The following SP2 variants were observed in gnomAD, a reference collection of about 807,000 sequenced individuals.
The protein encoded by SP2 is Sp2 transcription factor.
In SP2, 9 loss-of-function variants were observed where a neutral mutation model predicts 50.1. The observed-to-expected ratio is 0.18, with a 90% CI of 0.11 to 0.31. The LOEUF (loss-of-function observed/expected upper bound fraction) is 0.31, where lower values mean the gene tolerates loss of function less well. Ranked by LOEUF, SP2 falls within the 10% of genes least tolerant of loss-of-function variation. The probability of loss-of-function intolerance (pLI) is 1.00; values close to 1 mark genes in which losing one functional copy is unlikely to be tolerated. For synonymous variants in SP2, 313 were observed against 326.6 expected (o/e 0.96, Z 0.45); for missense variants, 581 against 806.5 (o/e 0.72, Z 3.39).
At position 47,921,784 on chromosome 17, in the gene SP2, T is replaced by C. The variant is rs544757035; in HGVS notation, c.1060-1178T>C. On this transcript the variant is annotated intron_variant, in intron 3 of 6. Transcript: ENST00000376741. ...TCCAAGGAGCCTGGGTTCCTTTTAG[T>C]GGAGCATGTGAGTTACAAGCTAAGG... 1.2e-4 allele frequency among the ~76,000 whole-genome samples: 18 copies of C among 152,332 alleles called. No individual in the cohort carries two copies. In the East Asian group the frequency reaches 3.3e-3, roughly 28 times the overall value.
At chr17:47,907,274 G>A (rs926971362) in intron 1 of SP2, among the ~76,000 whole-genome samples, 7 of 152,212 alleles carry the variant, frequency 4.6e-5, no homozygotes, top group Middle Eastern at 3.4e-3. Flanking sequence ...AGGTAGAGGC[G>A]GATGATCAGT....
chr17:47,898,187 C>T (rs2034412718), intron 1 of SP2: 1 of 152,218 alleles, frequency 6.6e-6, no homozygotes, highest in Non-Finnish European at 1.5e-5. Flanking sequence ...AGACTGGCCA[C>T]TTTTTTCTCT....
At position 47,915,366 on chromosome 17, in the gene SP2, A is replaced by T; in HGVS notation, c.62A>T (p.Gln21Leu). 6.2e-7 allele frequency: 1 copy of T among 1,613,470 alleles called. No individual in the cohort carries two copies. The highest frequency in any genetic ancestry group is 1.3e-5 in the African/African-American group (1 of 74,988). ...TAAVSPSDYLQPAASTTQDSQ... is the reference protein window; with the variant it reads ...TAAVSPSDYLLPAASTTQDSQ... ...GCTGTGAGTCCCAGTGACTACCTGC[A>T]GCCTGCCGCCTCCACCACCCAGGCG... The change falls in exon 2 of 7, where the codon CAG (glutamine) becomes CTG (leucine). Residue 21 changes from glutamine (Q) to leucine (L), a missense_variant. Around this residue, in one of 2 missense-constraint regions of SP2, gnomAD observed 397 missense variants for 491.0 expected, o/e 0.81. Transcript: ENST00000376741.
chr17:47,896,283 C>T lies in SP2; in HGVS notation c.-4C>T, dbSNP rs1348607315. On this transcript the variant is annotated 5_prime_UTR_variant, in exon 1 of 7. Transcript: ENST00000376741. ...CGGCGGAGGCCAGGGAGGAAGATGT[C>T]GTAATGAGCGGTGGGTCCCGGCCGC... The T allele has an allele frequency of 7.3e-6, 9 of 1,239,808 alleles. No homozygotes were observed. Among genetic ancestry groups the T allele is most frequent in the Admixed American group, 4.2e-5 (1 of 23,738 alleles). 76.8% of individuals were successfully genotyped at this position (1,239,808 alleles called of 1,614,324 possible).
rs558947529 is a variant in SP2 at position 47,896,577 on chromosome 17, G to A, written c.7+284G>A. On this transcript the variant is annotated intron_variant, in intron 1 of 6. Coordinates refer to ENST00000376741, the MANE Select transcript of SP2 (RefSeq NM_003110.6). ...GCTTCCGGGGGCCGGCGAGAGGAGC[G>A]GGCACCGGGGTGGCCTGGCACCCCT... 1.2e-4 allele frequency among the ~76,000 whole-genome samples: 19 copies of A among 152,284 alleles called. 1 individual carries two copies. In the South Asian group the frequency reaches 3.5e-3, roughly 28 times the overall value.
intron 4 of SP2, 118 bp downstream of exon 4, chr17:47,923,392 T>C (rs1287229593): frequency 1.2e-5 from 10 of 827,574 alleles, no homozygotes; most frequent in Admixed American, 2.6e-5. Context: ...CCATCATAGC[T>C]TAAGGGTACG....
Position 47,923,335 on chromosome 17 carries a change from C to T in SP2, c.1372+61C>T, listed in dbSNP as rs189486159. 3.6e-3 allele frequency: 5,059 copies of T among 1,407,394 alleles called. 8 individuals carry two copies. Among genetic ancestry groups the T allele is most frequent in the Non-Finnish European group, 4.2e-3 (4,353 of 1,034,674 alleles). 87.2% of individuals were successfully genotyped at this position (1,407,394 alleles called of 1,614,324 possible). A position where few individuals can be genotyped will look rare whatever the true frequency, so the allele number is the denominator to read the frequency against. On this transcript the variant is annotated intron_variant, in intron 4 of 6. Transcript: ENST00000376741. ...GGTACCTGCTCCTAGCAGGTGGAAACTATGGGCTGGCCCCGGGATTTCCAG... is the reference window on the plus strand; with the variant it reads ...GGTACCTGCTCCTAGCAGGTGGAAATTATGGGCTGGCCCCGGGATTTCCAG...
At position 47,925,334 on chromosome 17, in the gene SP2, A is replaced by C. The variant is rs766886997; in HGVS notation, c.1548-14A>C. On this transcript the variant is annotated splice_polypyrimidine_tract_variant and intron_variant, in intron 5 of 6. Coordinates refer to ENST00000376741, the MANE Select transcript of SP2 (RefSeq NM_003110.6). ...TTCCTATTCCCTCCACTCCACCCTC[A>C]CCCCAATTCTCAGGTCTGGAGAGCA... is the stretch of plus-strand genomic sequence containing the variant. 23 of 1,606,136 alleles carry C rather than the reference A, an allele frequency of 1.4e-5. No homozygotes were observed. In the African/African-American group the frequency reaches 2.4e-4, roughly 17 times the overall value.
intron 3 of SP2, among the ~76,000 whole-genome samples, chr17:47,922,336 C>A (rs2035491389): frequency 6.6e-6 from 1 of 152,110 alleles, no homozygotes; most frequent in South Asian, 2.1e-4. Context: ...ATACATATCC[C>A]CAAATTTCCT....
At chr17:47,896,463 A>C in intron 1 of SP2, 170 bp downstream of exon 1, 2 of 523,174 alleles carry the variant, frequency 3.8e-6, no homozygotes, top group Non-Finnish European at 5.8e-6. Context: ...CGCCCGGAGG[A>C]GGAGCGGGGC....
intron 1 of SP2, among the ~76,000 whole-genome samples, chr17:47,897,175 C>T (rs1380778901): frequency 1.3e-5 from 2 of 152,246 alleles, no homozygotes; most frequent in Admixed American, 6.5e-5. Context: ...ATCCCCATTG[C>T]TGACTTACGG....
intron 1 of SP2, among the ~76,000 whole-genome samples, chr17:47,912,327 T>C (rs1194189917): frequency 2.6e-5 from 4 of 152,126 alleles, no homozygotes; most frequent in Admixed American, 1.3e-4. Flanking sequence ...GTCTGCAAAG[T>C]CTCCCCTCCT....
intron 6 of SP2, among the ~76,000 whole-genome samples, chr17:47,927,378 C>T (rs1404484290): frequency 2.6e-5 from 4 of 151,800 alleles, no homozygotes; most frequent in Non-Finnish European, 4.4e-5. Flanking sequence ...TACAAAAATA[C>T]AGGAATTAGC....
At chr17:47,923,336 T>C in intron 4 of SP2, 62 bp downstream of exon 4, 1 of 1,398,744 alleles carries the variant, frequency 7.1e-7, no homozygotes, top group Admixed American at 2.0e-5. Context: ...AGGTGGAAAC[T>C]ATGGGCTGGC....
chr17:47,896,268 C>CA lies in SP2; in HGVS notation c.-18dup. Reference sequence around the variant, plus strand: ...CGGTGGCGGCGGAGGCGGCGGAGGCCAGGGAGGAAGATGTCGTAATGAGCG... The same window carrying CA: ...CGGTGGCGGCGGAGGCGGCGGAGGCCAAGGGAGGAAGATGTCGTAATGAGCG... On this transcript the variant is annotated 5_prime_UTR_variant, in exon 1 of 7. Transcript: ENST00000376741. 1 of 1,239,950 alleles carries CA rather than the reference C, an allele frequency of 8.1e-7. No homozygotes were observed. The highest frequency in any genetic ancestry group is 1.0e-6 in the Non-Finnish European group (1 of 988,756). 76.8% of individuals were successfully genotyped at this position (1,239,950 alleles called of 1,614,324 possible). A position where few individuals can be genotyped will look rare whatever the true frequency, so the allele number is the denominator to read the frequency against.
At chr17:47,910,299 C>A (rs1021691621) in intron 1 of SP2, among the ~76,000 whole-genome samples, 1 of 152,108 alleles carries the variant, frequency 6.6e-6, no homozygotes, top group Non-Finnish European at 1.5e-5. Flanking sequence ...TATCACGGTC[C>A]GTCACATGTA....
At chr17:47,901,406 A>G (rs1262007543) in intron 1 of SP2, among the ~76,000 whole-genome samples, 2 of 151,294 alleles carry the variant, frequency 1.3e-5, no homozygotes, top group African/African-American at 4.9e-5. Flanking sequence ...CAGCCTCCCA[A>G]AGTGCTAGGA....
At chr17:47,927,444 A>G (rs1164065474) in intron 6 of SP2, among the ~76,000 whole-genome samples, 1 of 151,156 alleles carries the variant, frequency 6.6e-6, no homozygotes, top group Non-Finnish European at 1.5e-5. Flanking sequence ...GAGGCAGGAG[A>G]ATTGCTTGAC....
At chr17:47,899,849 CTGA>C (rs1217601356) in intron 1 of SP2, 2 of 152,278 alleles carry the variant, frequency 1.3e-5, no homozygotes, top group Non-Finnish European at 2.9e-5. Context: ...TGTGAAAGGG[CTGA>C]TGTTTCTTAG....
Sources: gnomAD v4.1 joint callset for allele counts (sites outside exome capture counted in the v4.1 genomes callset) on GRCh38, gnomAD v4.1.1 for gene constraint, gnomAD v4.1.1 regional missense constraint, MANE v1.5 for transcripts, NCBI Gene and HGNC (gene_info 2026-07-23, HGNC 2026-07-21) for gene names.